Variants in ZC3H11A observed in about 807,000 individuals in gnomAD.
The protein encoded by ZC3H11A is zinc finger CCCH-type containing 11A, also known as zinc finger CCCH domain-containing protein 11A.
A neutral mutation model predicts 90.8 loss-of-function variants in ZC3H11A; 22 were observed. That is an observed-to-expected ratio of 0.24 (90% CI 0.17 to 0.35). ZC3H11A has a LOEUF of 0.35. ZC3H11A is among the 10% of genes least tolerant of loss of function. ZC3H11A has a pLI of 1.00. For synonymous variants in ZC3H11A, 294 were observed against 339.8 expected (o/e 0.87, Z 1.48); for missense variants, 701 against 964.9 (o/e 0.73, Z 3.62).
intron 5 of ZC3H11A, 97 bp from the exon 6 acceptor site, chr1:203,829,354 G>T: frequency 8.0e-7 from 1 of 1,242,842 alleles, no homozygotes; most frequent in South Asian, 1.3e-5. Context: ...ATGCTCATAA[G>T]ACAAATACAC....
At position 203,831,705 on chromosome 1, in the gene ZC3H11A, G is replaced by T; in HGVS notation, c.745G>T (p.Val249Phe). Reference protein sequence around the residue: ...VSSLLLHPEPVPGPEKENVRT... With the variant: ...VSSLLLHPEPFPGPEKENVRT... ...CAGTCTTTTACTCCACCCTGAGCCC[G>T]TTCCAGGTCCTGAAAAAGAAAATGT... Residue 249 changes from valine (V) to phenylalanine (F), a missense_variant, in exon 9 of 18, where the codon GTT (valine) becomes TTT (phenylalanine). This residue lies in a region of ZC3H11A where 530 missense variants were observed against 696.2 expected (regional missense o/e 0.76). Transcript: ENST00000367210. 6.2e-7 allele frequency: 1 copy of T among 1,613,206 alleles called. No individual in the cohort carries two copies. The highest frequency in any genetic ancestry group is 8.5e-7 in the Non-Finnish European group (1 of 1,179,648).
chr1:203,847,194 T>G lies in ZC3H11A; in HGVS notation c.1053T>G (p.Asn351Lys). The G allele has an allele frequency of 6.2e-7, 1 of 1,612,492 alleles. No homozygotes were observed. The change falls in exon 13 of 18, where the codon AAT becomes AAG. Residue 351 changes from asparagine to lysine, a missense_variant. Around this residue, in one of 4 missense-constraint regions of ZC3H11A, gnomAD observed 530 missense variants for 696.2 expected, o/e 0.76. Transcript: ENST00000367210. ...CTCCTGTGAAAACAGATAAAGTTAATAAAGTTGGTGAGATCCATGTGAAGA... is the reference window on the plus strand; with the variant it reads ...CTCCTGTGAAAACAGATAAAGTTAAGAAAGTTGGTGAGATCCATGTGAAGA... Reference protein sequence around the residue: ...PDNEDATDKVNKVGEIHVKTL... With the variant: ...PDNEDATDKVKKVGEIHVKTL...
In ZC3H11A at chr1:203,835,859, G is replaced by T. The variant is rs1275282749; in HGVS notation, c.874+2006G>T. ...AAGCTATGTGCTCCCTTTTTTTCCG[G>T]AGACCCCACTTATAGCCAGCAAAAA... On this transcript the variant is annotated intron_variant, in intron 10 of 17. Transcript: ENST00000367210. The T allele has an allele frequency of 1.2e-5, 3 of 241,312 alleles. No homozygotes were observed. In the East Asian group the frequency reaches 3.0e-4, roughly 24 times the overall value. 14.9% of individuals were successfully genotyped at this position (241,312 alleles called of 1,614,324 possible). A position where few individuals can be genotyped will look rare whatever the true frequency, so the allele number is the denominator to read the frequency against.
Position 203,852,263 on chromosome 1 carries a change from C to T in ZC3H11A, c.2297C>T (p.Pro766Leu). The change falls in exon 18 of 18, where the codon CCA becomes CTA. Residue 766 changes from proline (P) to leucine (L), a missense_variant. Coordinates refer to ENST00000367210, the MANE Select transcript of ZC3H11A (RefSeq NM_001376342.1). ...AGCTCTGCCTCAACAGGAAAGCCCC[C>T]ACTCTCTGTGGAGGATGATTTTGAG... The part of the protein sequence containing the change: ...RLSSASTGKP[P>L]LSVEDDFEKL... 6.2e-7 allele frequency: 1 copy of T among 1,613,688 alleles called. No homozygotes were observed. The highest frequency in any genetic ancestry group is 8.5e-7 in the Non-Finnish European group (1 of 1,179,824).
chr1:203,797,393 T>A, intron 1 of ZC3H11A: 1 of 860,754 alleles, frequency 1.2e-6, no homozygotes, highest in South Asian at 2.1e-5. Flanking sequence ...AAGTTATTGG[T>A]CCAGTGGGAA....
chr1:203,817,356 G>A (rs970778875), intron 3 of ZC3H11A, among the ~76,000 whole-genome samples: 1 of 152,038 alleles, frequency 6.6e-6, no homozygotes, highest in African/African-American at 2.4e-5. Flanking sequence ...AAGGCACGTG[G>A]CATGTAGTCA....
intron 15 of ZC3H11A, 128 bp from the exon 16 acceptor site, chr1:203,850,387 G>A (rs975808927): frequency 7.1e-7 from 1 of 1,413,306 alleles, no homozygotes; most frequent in African/African-American, 1.4e-5. Context: ...ATCGTTTTCA[G>A]TCTCTTTTTA....
At chr1:203,814,677 G>A (rs12142864) in intron 2 of ZC3H11A, among the ~76,000 whole-genome samples, 74,072 of 151,926 alleles carry the variant, frequency 0.49, 18,628 homozygotes, top group Non-Finnish European at 0.53. Flanking sequence ...TACCTCAAAA[G>A]TCTTCCAGCC....
In ZC3H11A at chr1:203,853,343, T is replaced by G. The variant is rs1179101539; in HGVS notation, c.*944T>G. 6.6e-6 allele frequency: 1 copy of G among 152,604 alleles called. No homozygotes were observed. 9.5% of individuals were successfully genotyped at this position (152,604 alleles called of 1,614,324 possible). ...AATGAGCTTATTCAAGCTGCCAATA[T>G]TTATCTATGGGCTGTAGCAGTACAC... On this transcript the variant is annotated 3_prime_UTR_variant, in exon 18 of 18. Transcript: ENST00000367210.
intron 2 of ZC3H11A, among the ~76,000 whole-genome samples, chr1:203,809,488 C>G (rs1159468444): frequency 6.6e-6 from 1 of 151,950 alleles, no homozygotes; most frequent in African/African-American, 2.4e-5. Context: ...ACTCTTTTTT[C>G]ATAGTGGTAT....
intron 10 of ZC3H11A, 67 bp downstream of exon 10, chr1:203,833,920 AAAC>A: frequency 6.5e-7 from 1 of 1,548,246 alleles, no homozygotes; most frequent in Non-Finnish European, 8.7e-7. Flanking sequence ...TAGCTTCTCC[AAAC>A]TCTTTTTATA....
chr1:203,833,378 A>C (rs1431905597), intron 9 of ZC3H11A, among the ~76,000 whole-genome samples: 1 of 148,510 alleles, frequency 6.7e-6, no homozygotes, highest in Admixed American at 6.7e-5. Context: ...AAAAAAAAAA[A>C]AAAAAACACC....
At chr1:203,830,930 T>TTTTA (rs1682092649) in intron 8 of ZC3H11A, among the ~76,000 whole-genome samples, 1 of 74,836 alleles carries the variant, frequency 1.3e-5, no homozygotes, top group African/African-American at 7.2e-5. Context: ...CCCCAATTTT[T>TTTTA]TTTTTTTTTT....
At chr1:203,827,009 A>G (rs1362109851) in intron 4 of ZC3H11A, among the ~76,000 whole-genome samples, 2 of 152,102 alleles carry the variant, frequency 1.3e-5, no homozygotes, top group African/African-American at 4.8e-5. Flanking sequence ...CAACTACTCT[A>G]CCATGGAGAA....
chr1:203,844,045 C>T lies in ZC3H11A; in HGVS notation c.1043-3139C>T, dbSNP rs59665117. Among the ~76,000 whole-genome samples the T allele has an allele frequency of 1.8e-3, 280 of 151,986 alleles. 7 individuals are homozygous for T. The East Asian group carries it at 0.043, about 23-fold the overall frequency. On this transcript the variant is annotated intron_variant, in intron 12 of 17. Coordinates refer to ENST00000367210, the MANE Select transcript of ZC3H11A (RefSeq NM_001376342.1). ...GCTAATTTTGTATTTTTAGTAGAAACGGGGCTTCTCCATGTTGGTCAGGCT... is the reference window on the plus strand; with the variant it reads ...GCTAATTTTGTATTTTTAGTAGAAATGGGGCTTCTCCATGTTGGTCAGGCT...
intron 3 of ZC3H11A, among the ~76,000 whole-genome samples, chr1:203,818,156 G>A (rs1456166567): frequency 6.6e-6 from 1 of 152,060 alleles, no homozygotes; most frequent in Non-Finnish European, 1.5e-5. Context: ...GTTGCATAAA[G>A]TATGCAGTGG....
chr1:203,828,377 A>C lies in ZC3H11A; in HGVS notation c.253A>C (p.Asn85His). The C allele has an allele frequency of 2.5e-6, 4 of 1,614,020 alleles. No homozygotes were observed. The highest frequency in any genetic ancestry group is 3.4e-6 in the Non-Finnish European group (4 of 1,179,962). ...AAAATTAAACTGCGCTTTCCATCACAATAGAGGACGATATGTTGATGGCCT... is the reference window on the plus strand; with the variant it reads ...AAAATTAAACTGCGCTTTCCATCACCATAGAGGACGATATGTTGATGGCCT... Reference protein sequence around the residue: ...CQKLNCAFHHNRGRYVDGLFL... With the variant: ...CQKLNCAFHHHRGRYVDGLFL... The change falls in exon 5 of 18, where the codon AAT (asparagine) becomes CAT (histidine). Residue 85 changes from asparagine (N) to histidine (H), a missense_variant. This residue lies in a region of ZC3H11A where 59 missense variants were observed against 132.8 expected (regional missense o/e 0.44). Coordinates refer to ENST00000367210, the MANE Select transcript of ZC3H11A (RefSeq NM_001376342.1).
At position 203,797,623 on chromosome 1, in the gene ZC3H11A, A is replaced by T. The variant is rs770075808; in HGVS notation, c.-1588+1829A>T. The stretch of plus-strand genomic sequence containing the variant: ...GGGATTCTGGGATGTGTTCCTATTA[A>T]TTCTAATACAGATGAAGAAGATGTG... On this transcript the variant is annotated intron_variant, in intron 1 of 17. Coordinates refer to ENST00000367210, the MANE Select transcript of ZC3H11A (RefSeq NM_001376342.1). The T allele has an allele frequency of 7.7e-5, 118 of 1,535,938 alleles. No homozygotes were observed. The highest frequency in any genetic ancestry group is 9.6e-5 in the Non-Finnish European group (110 of 1,146,912).
intron 17 of ZC3H11A, 127 bp downstream of exon 17, chr1:203,851,251 CAAGA>C: frequency 1.2e-6 from 1 of 834,532 alleles, no homozygotes; most frequent in South Asian, 1.9e-5. Context: ...AAATTAATTG[CAAGA>C]AAGTATGAAA....
Sources: allele counts gnomAD v4.1 joint callset (sites outside exome capture counted in the v4.1 genomes callset), GRCh38; gene constraint gnomAD v4.1.1; regional missense constraint gnomAD v4.1.1; transcripts MANE v1.5; gene names NCBI Gene and HGNC (gene_info 2026-07-23, HGNC 2026-07-21).